The following MACROD1 variants were observed in gnomAD, a reference collection of about 807,000 sequenced individuals.
MACROD1 encodes the protein mono-ADP ribosylhydrolase 1.
Under a neutral mutation model 41.4 loss-of-function variants are expected in MACROD1, and 31 were observed. The ratio of observed to expected loss-of-function variants is 0.75; its 90% CI spans 0.56 to 1.01. MACROD1 has a LOEUF of 1.01. Among genes scored for constraint, MACROD1 ranks in the 50% least tolerant of loss-of-function variants. The pLI, the probability that MACROD1 is intolerant of heterozygous loss-of-function variation, is 0.00. For missense variants in MACROD1, 473 were observed against 460.0 expected (o/e 1.03, Z -0.26); for synonymous variants, 252 against 203.4 (o/e 1.24, Z -2.03).
At chr11:64,092,970 G>A (rs774813382) in intron 3 of MACROD1, among the ~76,000 whole-genome samples, 2 of 152,272 alleles carry the variant, frequency 1.3e-5, no homozygotes, top group Admixed American at 6.5e-5. Flanking sequence ...GAGGGAGTTC[G>A]GCTTGCAGCC....
At chr11:64,001,055 G>A (rs1942816716) in intron 4 of MACROD1, 3 of 239,110 alleles carry the variant, frequency 1.3e-5, no homozygotes, top group South Asian at 1.5e-4. Context: ...GCATGGGCTT[G>A]TTTATCCGAG....
intron 3 of MACROD1, among the ~76,000 whole-genome samples, chr11:64,134,085 T>C (rs1185353368): frequency 6.6e-6 from 1 of 152,062 alleles, no homozygotes; most frequent in African/African-American, 2.4e-5. Context: ...AGGGAATGAA[T>C]GAATGAGAAA....
intron 4 of MACROD1, among the ~76,000 whole-genome samples, chr11:64,013,675 T>C (rs576075834): frequency 6.6e-6 from 1 of 152,268 alleles, no homozygotes; most frequent in Admixed American, 6.5e-5. Flanking sequence ...TTTGTGATCC[T>C]TTATCTTCCT....
At chr11:64,058,468 G>A (rs1382250416) in intron 3 of MACROD1, among the ~76,000 whole-genome samples, 1 of 152,266 alleles carries the variant, frequency 6.6e-6, no homozygotes, top group Non-Finnish European at 1.5e-5. Flanking sequence ...CACCTGGGTG[G>A]GCGAAGAGCA....
intron 3 of MACROD1, among the ~76,000 whole-genome samples, chr11:64,126,264 A>G (rs1945178876): frequency 6.6e-6 from 1 of 152,172 alleles, no homozygotes; most frequent in Non-Finnish European, 1.5e-5. Flanking sequence ...CTTCCAGCTC[A>G]TAAGGAGAGG....
chr11:64,141,248 C>T (rs7102327), intron 3 of MACROD1, among the ~76,000 whole-genome samples: 25,644 of 152,200 alleles, frequency 0.17, 2,382 homozygotes, highest in Admixed American at 0.28. Flanking sequence ...CTGGAGGCCA[C>T]GCCAAGCTGG....
intron 3 of MACROD1, among the ~76,000 whole-genome samples, chr11:64,047,335 A>G (rs1943603455): frequency 6.6e-6 from 1 of 152,094 alleles, no homozygotes; most frequent in African/African-American, 2.4e-5. Flanking sequence ...CCATTTTAAG[A>G]AGGCGAAACC....
intron 3 of MACROD1, among the ~76,000 whole-genome samples, chr11:64,081,162 C>T (rs565147653): frequency 3.2e-4 from 49 of 152,296 alleles, no homozygotes; most frequent in Admixed American, 2.0e-3. Context: ...GCTGGGATTA[C>T]AGGTGTCCAC....
intron 3 of MACROD1, among the ~76,000 whole-genome samples, chr11:64,140,777 G>C (rs373134404): frequency 6.6e-6 from 1 of 152,168 alleles, no homozygotes; most frequent in Non-Finnish European, 1.5e-5. Flanking sequence ...ATTTGCCCAA[G>C]GTCACAAAGC....
At chr11:64,112,165 A>C (rs1434730713) in intron 3 of MACROD1, among the ~76,000 whole-genome samples, 1 of 152,196 alleles carries the variant, frequency 6.6e-6, no homozygotes, top group African/African-American at 2.4e-5. Flanking sequence ...ACTATGAATA[A>C]GATGCACAAA....
intron 3 of MACROD1, among the ~76,000 whole-genome samples, chr11:64,080,412 G>A (rs539163260): frequency 3.9e-5 from 6 of 152,226 alleles, no homozygotes; most frequent in South Asian, 2.1e-4. Context: ...AGAATTCAGC[G>A]GGTTTTTTTG....
intron 3 of MACROD1, among the ~76,000 whole-genome samples, chr11:64,078,621 T>C (rs1369492918): frequency 1.3e-5 from 2 of 152,120 alleles, no homozygotes; most frequent in Non-Finnish European, 2.9e-5. Context: ...CCTGGCCCTC[T>C]CCTGAGGTGA....
At chr11:64,015,364 G>T in intron 3 of MACROD1, 83 bp from the exon 4 acceptor site, 1 of 1,368,264 alleles carries the variant, frequency 7.3e-7, no homozygotes, top group Non-Finnish European at 1.0e-6. Flanking sequence ...GTGATGTCAA[G>T]ATGGGAGTGG....
intron 3 of MACROD1, among the ~76,000 whole-genome samples, chr11:64,123,301 C>A (rs963555432): frequency 6.6e-6 from 1 of 152,184 alleles, no homozygotes; most frequent in Non-Finnish European, 1.5e-5. Context: ...ACAGGCGATT[C>A]GCAGCCGTGC....
intron 3 of MACROD1, among the ~76,000 whole-genome samples, chr11:64,133,607 C>T (rs1425034683): frequency 6.6e-6 from 1 of 152,208 alleles, no homozygotes; most frequent in Non-Finnish European, 1.5e-5. Context: ...ACCCCATGGG[C>T]ATGGCCCTGC....
intron 3 of MACROD1, among the ~76,000 whole-genome samples, chr11:64,119,902 CGTGCCTGCGTCCCA>C (rs929116997): frequency 2.0e-5 from 3 of 151,794 alleles, no homozygotes; most frequent in African/African-American, 7.3e-5. Context: ...GGGGTTCCGA[CGTGCCTGCGTCCCA>C]GTACTCAGGG....
At chr11:64,063,217 T>G (rs1943937279) in intron 3 of MACROD1, among the ~76,000 whole-genome samples, 1 of 152,092 alleles carries the variant, frequency 6.6e-6, no homozygotes, top group Non-Finnish European at 1.5e-5. Context: ...AGAGGTCGCT[T>G]ACCCTCTCTG....
intron 1 of MACROD1, among the ~76,000 whole-genome samples, chr11:64,154,880 C>T (rs1945643463): frequency 6.6e-6 from 1 of 152,172 alleles, no homozygotes; most frequent in Admixed American, 6.5e-5. Flanking sequence ...CCAGCACACC[C>T]AACTAATTTT....
intron 3 of MACROD1, among the ~76,000 whole-genome samples, chr11:64,045,547 G>T (rs1943568855): frequency 6.6e-6 from 1 of 152,154 alleles, no homozygotes; most frequent in Non-Finnish European, 1.5e-5. Context: ...GTCACTTATG[G>T]GACCCAATTT....
Sources: gnomAD v4.1 joint callset for allele counts (sites outside exome capture counted in the v4.1 genomes callset) on GRCh38, gnomAD v4.1.1 for gene constraint, MANE v1.5 for transcripts, NCBI Gene and HGNC (gene_info 2026-07-23, HGNC 2026-07-21) for gene names.